NIPAL2: variants seen among roughly 807,000 people sequenced by gnomAD.
The protein encoded by NIPAL2 is NIPA-like protein 2.
Under a neutral mutation model 48.9 loss-of-function variants are expected in NIPAL2, and 43 were observed. That is an observed-to-expected ratio of 0.88 (90% CI 0.69 to 1.13). The LOEUF (loss-of-function observed/expected upper bound fraction) is 1.13. NIPAL2 is among the 50% of genes most tolerant of loss of function. The pLI, the probability that NIPAL2 is intolerant of heterozygous loss-of-function variation, is 0.00. For missense variants in NIPAL2, 446 were observed against 461.4 expected, an observed-to-expected ratio of 0.97 and a Z score of 0.31; for synonymous variants, 167 against 174.6, an observed-to-expected ratio of 0.96 and a Z score of 0.34.
chr8:98,268,154 G>C (rs1240294878), intron 1 of NIPAL2, among the ~76,000 whole-genome samples: 1 of 152,110 alleles, frequency 6.6e-6, no homozygotes, highest in Non-Finnish European at 1.5e-5. Context: ...GAATGCTGAA[G>C]GTAGATATCA....
intron 10 of NIPAL2, chr8:98,193,313 C>A: frequency 6.5e-7 from 1 of 1,549,080 alleles, no homozygotes; most frequent in Non-Finnish European, 8.9e-7. Context: ...ATCCCCACCC[C>A]ACAGGATCTA....
At chr8:98,233,135 G>A (rs1812526378) in intron 4 of NIPAL2, among the ~76,000 whole-genome samples, 1 of 152,080 alleles carries the variant, frequency 6.6e-6, no homozygotes, top group East Asian at 1.9e-4. Context: ...GTGTATGCCT[G>A]TAATCCCAGC....
At position 98,254,083 on chromosome 8, in the gene NIPAL2, T is replaced by C. The variant is rs1380353263; in HGVS notation, c.140A>G (p.His47Arg). 3.1e-6 allele frequency: 5 copies of C among 1,609,512 alleles called. No homozygotes were observed. The African/African-American group carries it at 6.7e-5, about 22-fold the overall frequency. ...SGDWYRRNQI[H>R]LFGVLLAILG... ...AATAGCCAGCAAAACTCCAAAAAGG[T>C]GAATCTGTAAAAGAAAATGTTTTCC... is the stretch of plus-strand genomic sequence containing the variant. The change falls in exon 2 of 11, where the codon CAC becomes CGC. Residue 47 changes from histidine to arginine, a missense_variant. Physicochemically the swap from His to Arg is conservative, Grantham distance 29 (BLOSUM62 0). Transcript: ENST00000430223.
chr8:98,201,415 G>A lies in NIPAL2; in HGVS notation c.880+1693C>T, dbSNP rs562962148. ...TTTTATTTTTTTAGAGATGGGGTCC[G>A]GCTGTGTCACCCAGGCTTGAGAGCA... On this transcript the variant is annotated intron_variant, in intron 8 of 10. Transcript: ENST00000430223. Among the ~76,000 whole-genome samples, 104 of 151,984 alleles carry A rather than the reference G, an allele frequency of 6.8e-4. 1 individual carries two copies. The South Asian group carries it at 0.015, about 22-fold the overall frequency.
chr8:98,280,796 C>T (rs6994310), intron 1 of NIPAL2, among the ~76,000 whole-genome samples: 2 of 56,624 alleles, frequency 3.5e-5, no homozygotes, highest in African/African-American at 1.3e-4. Context: ...AGAGAGAAAG[C>T]GAGAGAAACA....
At chr8:98,245,211 C>T (rs75943709) in intron 3 of NIPAL2, among the ~76,000 whole-genome samples, 2,627 of 152,296 alleles carry the variant, frequency 0.017, 90 homozygotes, top group African/African-American at 0.06. Context: ...CAATCAAGCT[C>T]CAAACACGTG....
chr8:98,268,148 G>A (rs1028542936), intron 1 of NIPAL2, among the ~76,000 whole-genome samples: 3 of 152,172 alleles, frequency 2.0e-5, no homozygotes, highest in African/African-American at 7.2e-5. Flanking sequence ...CATAAAGAAT[G>A]CTGAAGGTAG....
intron 1 of NIPAL2, among the ~76,000 whole-genome samples, chr8:98,278,436 T>C (rs1815608181): frequency 6.6e-6 from 1 of 152,144 alleles, no homozygotes; most frequent in African/African-American, 2.4e-5. Flanking sequence ...ACATTAGGTC[T>C]TTTCATTCTA....
At chr8:98,203,537 A>G (rs1248972222) in intron 7 of NIPAL2, among the ~76,000 whole-genome samples, 1 of 152,192 alleles carries the variant, frequency 6.6e-6, no homozygotes, top group Non-Finnish European at 1.5e-5. Flanking sequence ...GTTAAATATC[A>G]TATCTGGGGA....
chr8:98,246,117 T>C (rs1813296080), intron 3 of NIPAL2, among the ~76,000 whole-genome samples: 1 of 152,120 alleles, frequency 6.6e-6, no homozygotes, highest in African/African-American at 2.4e-5. Flanking sequence ...TCTGTTTATG[T>C]TTCCTTTCAT....
rs1216551351 is a variant in NIPAL2 at position 98,244,350 on chromosome 8, G to A, written c.376+8113C>T. On this transcript the variant is annotated intron_variant, in intron 3 of 10. Coordinates refer to ENST00000430223, the MANE Select transcript of NIPAL2 (RefSeq NM_001321635.2). ...GGGTAGTCTGTAATGATGAGAGGGT[G>A]GGCGTGGTGATGAGGGGTAGTCTGT... Among the ~76,000 whole-genome samples, 11 of 71,252 alleles carry A rather than the reference G, an allele frequency of 1.5e-4. 3 individuals carry two copies. The highest frequency in any genetic ancestry group is 5.4e-4 in the Admixed American group (4 of 7,436). 46.7% of individuals were successfully genotyped at this position (71,252 alleles called of 152,430 possible).
At chr8:98,247,505 C>T (rs1813370651) in intron 3 of NIPAL2, among the ~76,000 whole-genome samples, 1 of 152,124 alleles carries the variant, frequency 6.6e-6, no homozygotes, top group African/African-American at 2.4e-5. Context: ...AGAGAGTCTC[C>T]ACATCTGAGG....
At chr8:98,204,920 C>T (rs149189699) in intron 7 of NIPAL2, among the ~76,000 whole-genome samples, 191 bp downstream of exon 7, 17 of 152,144 alleles carry the variant, frequency 1.1e-4, no homozygotes, top group African/African-American at 3.9e-4. Flanking sequence ...ATGAAGGCAA[C>T]GCTTCATAAA....
chr8:98,258,136 A>C (rs1005869112), intron 1 of NIPAL2, among the ~76,000 whole-genome samples: 12 of 150,086 alleles, frequency 8.0e-5, no homozygotes, highest in African/African-American at 2.5e-4. Flanking sequence ...GCCAATCACA[A>C]AAGAACAAAT....
intron 5 of NIPAL2, chr8:98,217,204 C>A: frequency 1.0e-6 from 1 of 985,350 alleles, no homozygotes; most frequent in Non-Finnish European, 1.2e-6. Flanking sequence ...CTTTTCTGTA[C>A]CAGATCAGAG....
chr8:98,267,193 G>C (rs1814825421), intron 1 of NIPAL2, among the ~76,000 whole-genome samples: 1 of 151,842 alleles, frequency 6.6e-6, no homozygotes, highest in Admixed American at 6.6e-5. Context: ...ATAGAGGGAT[G>C]GTAGAAACTA....
rs565935571 is a variant in NIPAL2 at position 98,252,378 on chromosome 8, G to A, written c.376+85C>T. On this transcript the variant is annotated intron_variant, in intron 3 of 10. Transcript: ENST00000430223. The stretch of plus-strand genomic sequence containing the variant: ...AACCAGGCAATAGACTTTCTTCTTT[G>A]GTGCATTTGTTGTTTCAGTTGTGTG... 1.0e-5 allele frequency: 13 copies of A among 1,287,436 alleles called. No individual in the cohort carries two copies. In the African/African-American group the frequency reaches 1.8e-4, roughly 18 times the overall value. 79.8% of individuals were successfully genotyped at this position (1,287,436 alleles called of 1,614,324 possible).
chr8:98,215,697 G>T (rs1035415179), intron 5 of NIPAL2, among the ~76,000 whole-genome samples: 1 of 152,194 alleles, frequency 6.6e-6, no homozygotes, highest in African/African-American at 2.4e-5. Flanking sequence ...AAGCTGTGAT[G>T]ATGTTACTTT....
intron 5 of NIPAL2, among the ~76,000 whole-genome samples, chr8:98,217,742 G>A (rs1429734970): frequency 3.3e-5 from 5 of 152,038 alleles, no homozygotes; most frequent in Non-Finnish European, 7.4e-5. Context: ...TTATTCAAAA[G>A]TGACTTTATT....
Sources: allele counts gnomAD v4.1 joint callset (sites outside exome capture counted in the v4.1 genomes callset), GRCh38; gene constraint gnomAD v4.1.1; transcripts MANE v1.5; gene names NCBI Gene and HGNC (gene_info 2026-07-23, HGNC 2026-07-21).